NPAS3: variants seen among roughly 807,000 people sequenced by gnomAD.
The protein encoded by NPAS3 is neuronal PAS domain-containing protein 3.
NPAS3 carries 14 observed loss-of-function variants against 73.1 expected under a neutral mutation model. The ratio of observed to expected loss-of-function variants is 0.19; its 90% CI spans 0.13 to 0.30. The LOEUF is 0.30. NPAS3 is among the 10% of genes least tolerant of loss of function. The pLI, the probability that NPAS3 is intolerant of heterozygous loss-of-function variation, is 1.00. For synonymous variants in NPAS3, 620 were observed against 541.5 expected (o/e 1.14, Z -2.01); for missense variants, 1,096 against 1,250.0 (o/e 0.88, Z 1.86).
At chr14:32,989,308 C>G (rs1296274) in intron 1 of NPAS3, among the ~76,000 whole-genome samples, 1 of 152,076 alleles carries the variant, frequency 6.6e-6, no homozygotes, top group East Asian at 1.9e-4. Context: ...AGAGGTAGTC[C>G]TATACAGGAA....
chr14:33,511,215 C>T (rs1410939571), intron 4 of NPAS3, among the ~76,000 whole-genome samples: 1 of 152,068 alleles, frequency 6.6e-6, no homozygotes, highest in African/African-American at 2.4e-5. Flanking sequence ...ACAGACTTTG[C>T]AGAAACGCAT....
intron 2 of NPAS3, among the ~76,000 whole-genome samples, chr14:33,061,351 T>C (rs549930625): frequency 6.6e-6 from 1 of 152,258 alleles, no homozygotes; most frequent in Admixed American, 6.5e-5. Context: ...TAACAAAGGA[T>C]TGAGAAAAGA....
intron 2 of NPAS3, among the ~76,000 whole-genome samples, chr14:33,210,925 T>C (rs2047008429): frequency 1.3e-5 from 2 of 152,046 alleles, no homozygotes; most frequent in Non-Finnish European, 2.9e-5. Flanking sequence ...AAAGGAAAAA[T>C]GTGTTATGTC....
chr14:33,767,599 C>CT (rs10711937), intron 7 of NPAS3, among the ~76,000 whole-genome samples: 51,646 of 138,528 alleles, frequency 0.37, 10,073 homozygotes, highest in East Asian at 0.5. Context: ...GGACTCTTGT[C>CT]TTTTTTTTTT....
intron 6 of NPAS3, among the ~76,000 whole-genome samples, chr14:33,731,182 A>C (rs1441569782): frequency 6.6e-6 from 1 of 152,124 alleles, no homozygotes; most frequent in Non-Finnish European, 1.5e-5. Flanking sequence ...TAATCTCAGC[A>C]CTTGGAGGGG....
intron 3 of NPAS3, among the ~76,000 whole-genome samples, chr14:33,354,494 T>A (rs1428197877): frequency 6.6e-6 from 1 of 152,194 alleles, no homozygotes; most frequent in East Asian, 1.9e-4. Context: ...TTCCCTGAGC[T>A]GGGTCCTCAG....
At chr14:33,541,821 G>A (rs1262337573) in intron 4 of NPAS3, among the ~76,000 whole-genome samples, 1 of 152,182 alleles carries the variant, frequency 6.6e-6, no homozygotes, top group African/African-American at 2.4e-5. Flanking sequence ...GGTCAAATCT[G>A]CTGTAGTTTC....
chr14:33,681,918 G>T (rs1010752280), intron 6 of NPAS3, among the ~76,000 whole-genome samples: 5 of 151,818 alleles, frequency 3.3e-5, no homozygotes. Flanking sequence ...TGCTACTTTT[G>T]CCTTTCCAAA....
chr14:33,373,619 AAG>A (rs1253069823), intron 4 of NPAS3, among the ~76,000 whole-genome samples: 2 of 152,208 alleles, frequency 1.3e-5, no homozygotes. Flanking sequence ...AGAGAATAAA[AAG>A]AATGTTCTGT....
Position 33,175,306 on chromosome 14 carries a change from C to T in NPAS3, c.141-39876C>T, listed in dbSNP as rs956923749. Reference sequence around the variant, plus strand: ...ATACCTATTCTGTGGATTTTTAGAACGGGCAGAGTTGCTATTCTGTCCTTT... The same window carrying T: ...ATACCTATTCTGTGGATTTTTAGAATGGGCAGAGTTGCTATTCTGTCCTTT... On this transcript the variant is annotated intron_variant, in intron 2 of 11. Coordinates refer to ENST00000356141, the Ensembl canonical transcript of NPAS3. Among the ~76,000 whole-genome samples, 17 of 151,970 alleles carry T rather than the reference C, an allele frequency of 1.1e-4. 1 individual carries two copies. Among genetic ancestry groups the T allele is most frequent in the South Asian group, 2.1e-4 (1 of 4,826 alleles).
chr14:33,324,575 A>C, intron 3 of NPAS3, among the ~76,000 whole-genome samples: 1 of 152,198 alleles, frequency 6.6e-6, no homozygotes, highest in East Asian at 1.9e-4. Flanking sequence ...TTGATTATCT[A>C]CAGGGATTGT....
chr14:33,458,882 G>C (rs772165197), intron 4 of NPAS3, among the ~76,000 whole-genome samples: 1 of 152,102 alleles, frequency 6.6e-6, no homozygotes, highest in Admixed American at 6.5e-5. Flanking sequence ...CTTGGATCTC[G>C]CACAAGAAAT....
Position 33,664,612 on chromosome 14 carries a change from G to T in NPAS3, c.559-11599G>T, listed in dbSNP as rs561065705. On this transcript the variant is annotated intron_variant, in intron 5 of 11. Coordinates refer to ENST00000356141, the Ensembl canonical transcript of NPAS3. Reference sequence around the variant, plus strand: ...GAATGGGAGAAAATTTTTGCAATCTGTCCATCTGACAAAGGGCTAATATCC... The same window carrying T: ...GAATGGGAGAAAATTTTTGCAATCTTTCCATCTGACAAAGGGCTAATATCC... 3.3e-5 allele frequency among the ~76,000 whole-genome samples: 5 copies of T among 152,214 alleles called. No homozygotes were observed. The South Asian group carries it at 1.0e-3, about 32-fold the overall frequency.
At chr14:33,148,697 T>G (rs971463085) in intron 2 of NPAS3, among the ~76,000 whole-genome samples, 2 of 152,020 alleles carry the variant, frequency 1.3e-5, no homozygotes, top group Admixed American at 6.6e-5. Flanking sequence ...TTAAAAAAAA[T>G]TTTTTTGGAG....
chr14:33,469,455 A>G (rs2050684012), intron 4 of NPAS3, among the ~76,000 whole-genome samples: 1 of 152,222 alleles, frequency 6.6e-6, no homozygotes, highest in African/African-American at 2.4e-5. Context: ...ACAAAAAGGT[A>G]TATAACTTAC....
At chr14:33,771,738 G>T (rs546113593) in intron 7 of NPAS3, among the ~76,000 whole-genome samples, 2 of 152,150 alleles carry the variant, frequency 1.3e-5, no homozygotes, top group East Asian at 3.9e-4. Context: ...GTGAACCTGG[G>T]ACGCAGAGCT....
At chr14:33,620,573 TG>T (rs1271651025) in intron 5 of NPAS3, among the ~76,000 whole-genome samples, 1 of 152,148 alleles carries the variant, frequency 6.6e-6, no homozygotes, top group African/African-American at 2.4e-5. Flanking sequence ...CAAAGATGAA[TG>T]TTAACTATTT....
Position 33,563,537 on chromosome 14 carries a change from C to CACACACACACACACAGAGAG in NPAS3, c.558+3328_558+3329insCACACACACACACAGAGAGA. The stretch of plus-strand genomic sequence containing the variant: ...ATACATACACACACACACACACACA[C>CACACACACACACACAGAGAG]AGAGAGAGAGAGAGAGAGAGAGAGA... On this transcript the variant is annotated intron_variant, in intron 5 of 11. Coordinates refer to ENST00000356141, the Ensembl canonical transcript of NPAS3. 5.8e-4 allele frequency among the ~76,000 whole-genome samples: 69 copies of CACACACACACACACAGAGAG among 119,644 alleles called. 1 individual carries two copies. Among genetic ancestry groups the CACACACACACACACAGAGAG allele is most frequent in the African/African-American group, 1.8e-3 (49 of 26,760 alleles). The allele number at this position is 119,644 out of a possible 152,430, so 78.5% of individuals were successfully genotyped here. A position where few individuals can be genotyped will look rare whatever the true frequency, so the allele number is the denominator to read the frequency against.
At chr14:33,683,587 ACT>A (rs1412950985) in intron 6 of NPAS3, among the ~76,000 whole-genome samples, 1 of 152,084 alleles carries the variant, frequency 6.6e-6, no homozygotes, top group Non-Finnish European at 1.5e-5. Context: ...AAATTATACC[ACT>A]CTGAATTCTT....
Sources: allele counts gnomAD v4.1 joint callset (sites outside exome capture counted in the v4.1 genomes callset), GRCh38; gene constraint gnomAD v4.1.1; transcripts MANE v1.5; gene names NCBI Gene and HGNC (gene_info 2026-07-23, HGNC 2026-07-21).